Variants in NCKAP5 observed in about 807,000 individuals in gnomAD.
NCKAP5 encodes the protein NCK associated protein 5, also known as nck-associated protein 5.
A neutral mutation model predicts 167.0 loss-of-function variants in NCKAP5; 92 were observed. The observed-to-expected ratio is 0.55, with a 90% CI of 0.47 to 0.66. The LOEUF is 0.66. Among genes scored for constraint, NCKAP5 ranks in the 30% least tolerant of loss-of-function variants. NCKAP5 has a pLI of 0.00. For synonymous variants in NCKAP5, 891 were observed against 877.4 expected (o/e 1.02, Z -0.27); for missense variants, 2,378 against 2,315.0 (o/e 1.03, Z -0.56).
chr2:132,714,738 G>A (rs1029405507), intron 19 of NCKAP5: 11 of 379,312 alleles, frequency 2.9e-5, no homozygotes, highest in East Asian at 2.4e-4. Flanking sequence ...GCTTGAACCC[G>A]GGAGGCAGAG....
At chr2:132,883,820 G>A (rs148119704) in intron 8 of NCKAP5, among the ~76,000 whole-genome samples, 2 of 152,340 alleles carry the variant, frequency 1.3e-5, no homozygotes, top group African/African-American at 4.8e-5. Context: ...TGGGTTATAT[G>A]TGGTTTTATT....
chr2:133,428,238 G>A (rs1689934798), intron 3 of NCKAP5, among the ~76,000 whole-genome samples: 1 of 152,120 alleles, frequency 6.6e-6, no homozygotes, highest in Non-Finnish European at 1.5e-5. Context: ...ATTGCTACTA[G>A]TGCAGGGAAA....
intron 11 of NCKAP5, among the ~76,000 whole-genome samples, chr2:132,818,678 A>T (rs927017456): frequency 2.0e-5 from 3 of 152,204 alleles, no homozygotes; most frequent in Admixed American, 6.5e-5. Context: ...ACAGAGTGTG[A>T]CCTAGAATTC....
intron 10 of NCKAP5, among the ~76,000 whole-genome samples, chr2:132,863,622 A>C: frequency 6.6e-6 from 1 of 152,204 alleles, no homozygotes; most frequent in South Asian, 2.1e-4. Context: ...GTTCATCACT[A>C]TTGGCACATC....
At chr2:133,369,140 T>C (rs1685636995) in intron 3 of NCKAP5, among the ~76,000 whole-genome samples, 1 of 152,034 alleles carries the variant, frequency 6.6e-6, no homozygotes, top group African/African-American at 2.4e-5. Context: ...TGGAAAGAAA[T>C]AGGAGCCATG....
intron 6 of NCKAP5, among the ~76,000 whole-genome samples, chr2:133,072,534 C>G (rs188466948): frequency 7.4e-4 from 113 of 152,278 alleles, no homozygotes; most frequent in Non-Finnish European, 1.4e-3. Context: ...GAGCCAGGTA[C>G]TTACAAGGAC....
Position 133,491,667 on chromosome 2 carries a change from A to C in NCKAP5, c.69+25791T>G, listed in dbSNP as rs139301090. ...CTTCTCCATCCCTATGAAGTGAGGG[A>C]GGGAGTTTTGACAAGACGTGAAGGA... On this transcript the variant is annotated intron_variant, in intron 3 of 19. Transcript: ENST00000409261. 4.8e-4 allele frequency among the ~76,000 whole-genome samples: 73 copies of C among 152,248 alleles called. 1 individual carries two copies. In the East Asian group the frequency reaches 0.013, roughly 27 times the overall value.
intron 6 of NCKAP5, among the ~76,000 whole-genome samples, chr2:133,006,619 TTATTTTA>T (rs1431107910): frequency 8.5e-5 from 7 of 82,220 alleles, no homozygotes; most frequent in Admixed American, 2.2e-4. Flanking sequence ...TTATTTTATT[TTATTTTA>T]TTTTTTTTTT....
intron 16 of NCKAP5, among the ~76,000 whole-genome samples, chr2:132,761,633 G>A (rs777495351): frequency 9.9e-5 from 15 of 152,220 alleles, no homozygotes; most frequent in Non-Finnish European, 1.9e-4. Flanking sequence ...CATATTGCCA[G>A]ATAAAAGAAA....
the NCKAP5 span, among the ~76,000 whole-genome samples, chr2:133,664,245 ACTT>A: frequency 6.6e-6 from 1 of 152,038 alleles, no homozygotes; most frequent in Admixed American, 6.6e-5. Flanking sequence ...TGTCATTCAG[ACTT>A]CATTATTTTA....
At chr2:132,707,234 T>C (rs1652580925) in intron 19 of NCKAP5, among the ~76,000 whole-genome samples, 2 of 152,210 alleles carry the variant, frequency 1.3e-5, no homozygotes, top group Admixed American at 1.3e-4. Flanking sequence ...TGTGGGACTC[T>C]TCACTGGAAC....
chr2:133,184,001 C>T (rs1279837488), intron 5 of NCKAP5, among the ~76,000 whole-genome samples: 2 of 151,824 alleles, frequency 1.3e-5, no homozygotes, highest in African/African-American at 2.4e-5. Context: ...AGAGTGTACA[C>T]GTGCAGGGTT....
the NCKAP5 span, among the ~76,000 whole-genome samples, chr2:133,655,949 G>A: frequency 6.6e-6 from 1 of 152,140 alleles, no homozygotes; most frequent in Non-Finnish European, 1.5e-5. Flanking sequence ...TAATAATCTA[G>A]GCTCTGAGAT....
chr2:132,815,878 A>G (rs1000591562), intron 11 of NCKAP5, among the ~76,000 whole-genome samples: 10 of 152,228 alleles, frequency 6.6e-5, no homozygotes, highest in African/African-American at 2.4e-4. Flanking sequence ...CAAAGAGGAT[A>G]ATAACTATAC....
At chr2:133,013,869 A>G (rs1401417299) in intron 6 of NCKAP5, among the ~76,000 whole-genome samples, 2 of 152,160 alleles carry the variant, frequency 1.3e-5, no homozygotes, top group Non-Finnish European at 2.9e-5. Context: ...ATACCACCCC[A>G]GTCACAGGAT....
chr2:133,185,236 T>A (rs2084895676), intron 5 of NCKAP5, among the ~76,000 whole-genome samples: 1 of 152,090 alleles, frequency 6.6e-6, no homozygotes, highest in Non-Finnish European at 1.5e-5. Context: ...CTATTGCTTA[T>A]TTTTTGTCAA....
At chr2:132,925,257 A>G (rs114536497) in intron 8 of NCKAP5, among the ~76,000 whole-genome samples, 1,559 of 152,212 alleles carry the variant, frequency 0.01, 33 homozygotes, top group African/African-American at 0.035. Context: ...TTGCACTCCT[A>G]TAAGAATCTA....
intron 19 of NCKAP5, among the ~76,000 whole-genome samples, chr2:132,720,966 G>A (rs1032874642): frequency 2.5e-4 from 37 of 150,828 alleles, no homozygotes; most frequent in Admixed American, 7.3e-4. Context: ...AGCCAAGATC[G>A]TGCCACTGCA....
At chr2:133,107,080 C>T (rs1462857052) in intron 6 of NCKAP5, among the ~76,000 whole-genome samples, 1 of 152,166 alleles carries the variant, frequency 6.6e-6, no homozygotes, top group Non-Finnish European at 1.5e-5. Flanking sequence ...ATTTTTACAT[C>T]ATCAAAACTT....
Sources: allele counts gnomAD v4.1 joint callset (sites outside exome capture counted in the v4.1 genomes callset), GRCh38; gene constraint gnomAD v4.1.1; transcripts MANE v1.5; gene names NCBI Gene and HGNC (gene_info 2026-07-23, HGNC 2026-07-21).